The following XKR9 variants were observed in gnomAD, a reference collection of about 807,000 sequenced individuals.
The protein encoded by XKR9 is XK related 9.
Under a neutral mutation model 32.0 loss-of-function variants are expected in XKR9, and 32 were observed. That is an observed-to-expected ratio of 1.00 (90% CI 0.76 to 1.34). The LOEUF is 1.34. XKR9 is among the 40% of genes most tolerant of loss of function. The pLI is 0.00. For synonymous variants in XKR9, 168 were observed against 143.4 expected (o/e 1.17, Z -1.22); for missense variants, 546 against 429.7 (o/e 1.27, Z -2.39).
the XKR9 span, among the ~76,000 whole-genome samples, chr8:70,932,047 T>C: frequency 6.6e-5 from 10 of 152,304 alleles, no homozygotes; most frequent in African/African-American, 2.2e-4. Context: ...ATTTCACACG[T>C]ATTAGACAGT....
chr8:70,688,774 C>T (rs1461894018), intron 3 of XKR9, among the ~76,000 whole-genome samples: 2 of 151,010 alleles, frequency 1.3e-5, no homozygotes, highest in African/African-American at 4.9e-5. Flanking sequence ...GTATATGCAG[C>T]ATGAAAACAG....
At chr8:70,997,607 A>G in the XKR9 span, among the ~76,000 whole-genome samples, 2 of 151,370 alleles carry the variant, frequency 1.3e-5, no homozygotes, top group Non-Finnish European at 2.9e-5. Context: ...CGTTGGGGAC[A>G]CGGGGGAAAG....
the XKR9 span, among the ~76,000 whole-genome samples, chr8:70,818,950 C>T: frequency 6.6e-6 from 1 of 152,142 alleles, no homozygotes; most frequent in South Asian, 2.1e-4. Flanking sequence ...CAGACTTCTT[C>T]CCTGGAAAAG....
At position 70,734,093 on chromosome 8, in the gene XKR9, G is replaced by A; in HGVS notation, c.791G>A (p.Arg264Lys). 1 of 1,612,178 alleles carries A rather than the reference G, an allele frequency of 6.2e-7. No homozygotes were observed. The highest frequency in any genetic ancestry group is 8.5e-7 in the Non-Finnish European group (1 of 1,178,620). ...CTCISMEFLY[R>K]IVVGFILIFT... ...TGTATAAGTATGGAATTCTTATATA[G>A]GATTGTTGTTGGATTCATTCTTATC... is the stretch of plus-strand genomic sequence containing the variant. Residue 264 changes from arginine to lysine, a missense_variant, in exon 5 of 5, where the codon AGG (arginine) becomes AAG (lysine). By Grantham distance (26) the Arg-to-Lys change is conservative. Transcript: ENST00000408926.
chr8:71,002,570 A>G, the XKR9 span, among the ~76,000 whole-genome samples: 1 of 152,160 alleles, frequency 6.6e-6, no homozygotes, highest in Non-Finnish European at 1.5e-5. Flanking sequence ...TCTGTTTTAT[A>G]CGGTCTCCCT....
chr8:70,770,973 C>T (rs1311815101), intron 2 of XKR9, among the ~76,000 whole-genome samples: 1 of 152,180 alleles, frequency 6.6e-6, no homozygotes, highest in Non-Finnish European at 1.5e-5. Flanking sequence ...AATAAAACTC[C>T]TGCAGCTAGC....
At chr8:70,797,765 C>T in the XKR9 span, among the ~76,000 whole-genome samples, 1 of 152,004 alleles carries the variant, frequency 6.6e-6, no homozygotes, top group African/African-American at 2.4e-5. Flanking sequence ...CCATGTGTAA[C>T]CAGTGTTTAG....
the XKR9 span, among the ~76,000 whole-genome samples, chr8:70,951,128 A>C: frequency 6.6e-6 from 1 of 152,210 alleles, no homozygotes; most frequent in Non-Finnish European, 1.5e-5. Context: ...CCCCAGGCTC[A>C]GGAGAAAGGG....
chr8:70,912,789 CAAG>C, the XKR9 span, among the ~76,000 whole-genome samples: 7 of 151,868 alleles, frequency 4.6e-5, no homozygotes, highest in African/African-American at 1.5e-4. Context: ...AAAGAGAAAC[CAAG>C]AAGAAGAGGT....
At chr8:70,791,524 T>C (rs1275480158), downstream of XKR9, among the ~76,000 whole-genome samples, 1 of 152,098 alleles carries the variant, frequency 6.6e-6, no homozygotes, top group Non-Finnish European at 1.5e-5. Flanking sequence ...GGATTAATGT[T>C]ATATTGTGGG....
the XKR9 span, among the ~76,000 whole-genome samples, chr8:70,809,492 C>T: frequency 6.6e-6 from 1 of 152,146 alleles, no homozygotes; most frequent in Non-Finnish European, 1.5e-5. Context: ...GATCATACTA[C>T]TCTGAGGTAA....
the XKR9 span, among the ~76,000 whole-genome samples, chr8:70,918,334 G>A: frequency 6.6e-6 from 1 of 152,142 alleles, no homozygotes; most frequent in African/African-American, 2.4e-5. Context: ...GAGAGGATGG[G>A]AACATGGGTG....
At chr8:71,042,389 G>T in the XKR9 span, among the ~76,000 whole-genome samples, 2 of 152,054 alleles carry the variant, frequency 1.3e-5, no homozygotes, top group African/African-American at 4.8e-5. Flanking sequence ...CTGGAGCTTG[G>T]GTTAGAAACT....
At chr8:70,818,031 A>G in the XKR9 span, among the ~76,000 whole-genome samples, 1 of 152,196 alleles carries the variant, frequency 6.6e-6, no homozygotes, top group Non-Finnish European at 1.5e-5. Context: ...CCTATGAAAT[A>G]CCATTCTGGA....
the XKR9 span, among the ~76,000 whole-genome samples, chr8:71,022,120 CT>C: frequency 6.6e-6 from 1 of 152,188 alleles, no homozygotes; most frequent in African/African-American, 2.4e-5. Flanking sequence ...TTTTTGTCAT[CT>C]TTCTCAAAGA....
chr8:70,886,453 A>G, the XKR9 span, among the ~76,000 whole-genome samples: 1 of 152,218 alleles, frequency 6.6e-6, no homozygotes, highest in East Asian at 1.9e-4. Context: ...TATATCCTTG[A>G]GGAATCACCA....
rs759729244 is a variant in XKR9 at position 70,704,214 on chromosome 8, AAAAT to A, written c.273-2704_273-2701del. On this transcript the variant is annotated intron_variant, in intron 3 of 4. Coordinates refer to ENST00000408926, the MANE Select transcript of XKR9 (RefSeq NM_001011720.2). Reference sequence around the variant, plus strand: ...AATAAAATAAAATAAAATAAACAATAAAATAAATAAATAAATAAGTGAAACTGTG... The same window carrying A: ...AATAAAATAAAATAAAATAAACAATAAAATAAATAAATAAGTGAAACTGTG... 7.0e-4 allele frequency among the ~76,000 whole-genome samples: 107 copies of A among 152,200 alleles called. 2 individuals carry two copies. The highest frequency in any genetic ancestry group is 6.0e-3 in the East Asian group (31 of 5,180).
chr8:70,954,149 T>C, the XKR9 span, among the ~76,000 whole-genome samples: 5 of 152,200 alleles, frequency 3.3e-5, no homozygotes, highest in South Asian at 2.1e-4. Context: ...GTTTTTTTTT[T>C]CTGCAAAAAT....
chr8:70,975,923 A>G, the XKR9 span, among the ~76,000 whole-genome samples: 1 of 152,104 alleles, frequency 6.6e-6, no homozygotes, highest in African/African-American at 2.4e-5. Context: ...TTCGTTGAGC[A>G]GTGGTTTTTA....
Sources: gnomAD v4.1 joint callset for allele counts (sites outside exome capture counted in the v4.1 genomes callset) on GRCh38, gnomAD v4.1.1 for gene constraint, MANE v1.5 for transcripts, NCBI Gene and HGNC (gene_info 2026-07-23, HGNC 2026-07-21) for gene names.